The following EP400 variants were observed in gnomAD, a reference collection of about 807,000 sequenced individuals.
EP400 encodes E1A-binding protein p400.
A neutral mutation model predicts 354.1 loss-of-function variants in EP400; 105 were observed. The observed-to-expected ratio is 0.30, with a 90% CI of 0.25 to 0.35. EP400 has a LOEUF of 0.35. EP400 is among the 10% of genes least tolerant of loss of function. The pLI, the probability that EP400 is intolerant of heterozygous loss-of-function variation, is 1.00. For missense variants in EP400, 3,280 were observed against 4,121.0 expected, an observed-to-expected ratio of 0.80 and a Z score of 5.59; for synonymous variants, 1,646 against 1,716.9, an observed-to-expected ratio of 0.96 and a Z score of 1.02.
At position 132,053,401 on chromosome 12, in the gene EP400, A is replaced by G; in HGVS notation, c.7532A>G (p.Gln2511Arg). The G allele has an allele frequency of 2.0e-6, 1 of 504,404 alleles. No individual in the cohort carries two copies. The highest frequency in any genetic ancestry group is 2.6e-6 in the Non-Finnish European group (1 of 387,020). 31.2% of individuals were successfully genotyped at this position (504,404 alleles called of 1,614,324 possible). A position where few individuals can be genotyped will look rare whatever the true frequency, so the allele number is the denominator to read the frequency against. Reference protein sequence around the residue: ...QPAVAQPPPPQPQPPPPPQQP... With the variant: ...QPAVAQPPPPRPQPPPPPQQP... ...GCCGTGGCCCAGCCACCCCCGCCCC[A>G]GCCGCAGCCCCCACCACCCCCGCAG... The change falls in exon 43 of 53, where the codon CAG becomes CGG. Residue 2511 changes from glutamine (Q) to arginine (R), a missense_variant. Gln to Arg is a conservative substitution (Grantham distance 43). Transcript: ENST00000389561.
chr12:131,989,940 A>T, intron 7 of EP400, 24 bp from the exon 8 acceptor site: 1 of 1,612,280 alleles, frequency 6.2e-7, no homozygotes, highest in South Asian at 1.1e-5. Flanking sequence ...TACAACATAC[A>T]ATTCTTGCAC....
chr12:132,007,447 A>T (rs1167935983), intron 15 of EP400, among the ~76,000 whole-genome samples: 1 of 151,360 alleles, frequency 6.6e-6, no homozygotes, highest in African/African-American at 2.5e-5. Flanking sequence ...CCCTCCTGAC[A>T]CTTCTAGCTG....
intron 15 of EP400, among the ~76,000 whole-genome samples, chr12:132,008,929 T>C (rs1893673956): frequency 7.2e-6 from 1 of 138,438 alleles, no homozygotes; most frequent in African/African-American, 2.7e-5. Context: ...CTTTTTTTTT[T>C]TTTTTTTTTT....
Position 132,025,685 on chromosome 12 carries a change from A to G in EP400, c.4895A>G (p.Tyr1632Cys), listed in dbSNP as rs1040868378. 4.3e-6 allele frequency: 7 copies of G among 1,612,434 alleles called. No individual in the cohort carries two copies. The highest frequency in any genetic ancestry group is 1.3e-5 in the African/African-American group (1 of 74,842). Residue 1632 changes from tyrosine (Y) to cysteine (C), a missense_variant, in exon 25 of 53, where the codon TAC (tyrosine) becomes TGC (cysteine). Around this residue, in one of 20 missense-constraint regions of EP400, gnomAD observed 459 missense variants for 496.9 expected, o/e 0.92. Transcript: ENST00000389561. This position sits in a 1 kb window ranked among gnomAD's most constrained non-coding sequence, Gnocchi z 4.1. ...ATCGTGTCCGCCCCCGGGCAGCCCT[A>G]CCTTCGAGCCCCTGGCCCTGTGGTG... ...LQIVSAPGQP[Y>C]LRAPGPVVMQ...
At position 132,027,924 on chromosome 12, in the gene EP400, G is replaced by A; in HGVS notation, c.5110-93G>A. 1.5e-6 allele frequency: 2 copies of A among 1,373,362 alleles called. No homozygotes were observed. The highest frequency in any genetic ancestry group is 2.0e-4 in the Middle Eastern group (1 of 5,026). 85.1% of individuals were successfully genotyped at this position (1,373,362 alleles called of 1,614,324 possible). ...GGGGATATTGAAGTGGATCTCATATGTGGGAAATCACGGGCTGGGTGGGGG... is the reference window on the plus strand; with the variant it reads ...GGGGATATTGAAGTGGATCTCATATATGGGAAATCACGGGCTGGGTGGGGG... On this transcript the variant is annotated intron_variant, in intron 26 of 52. Coordinates refer to ENST00000389561, the MANE Select transcript of EP400 (RefSeq NM_015409.5). This position sits in a 1 kb window ranked among gnomAD's most constrained non-coding sequence, Gnocchi z 4.9.
chr12:131,950,798 G>A (rs1315442281), intron 1 of EP400, among the ~76,000 whole-genome samples: 2 of 152,258 alleles, frequency 1.3e-5, no homozygotes, highest in Non-Finnish European at 2.9e-5. Context: ...CTGTTGCCCA[G>A]GTTGGCGTGC....
Position 132,028,680 on chromosome 12 carries a change from G to A in EP400, c.5381+392G>A, listed in dbSNP as rs903008712. Among the ~76,000 whole-genome samples, 16 of 152,356 alleles carry A rather than the reference G, an allele frequency of 1.1e-4. No individual in the cohort carries two copies. The South Asian group carries it at 2.3e-3, about 22-fold the overall frequency. On this transcript the variant is annotated intron_variant, in intron 27 of 52. Coordinates refer to ENST00000389561, the MANE Select transcript of EP400 (RefSeq NM_015409.5). ...CAAATGTGGGCAGGAGTTGATCTCAGAACGTGCTTTAATGGAGAGCAAATC... is the reference window on the plus strand; with the variant it reads ...CAAATGTGGGCAGGAGTTGATCTCAAAACGTGCTTTAATGGAGAGCAAATC...
chr12:131,972,152 CTTTTTCT>C (rs141857468), intron 2 of EP400, among the ~76,000 whole-genome samples: 17,970 of 148,842 alleles, frequency 0.12, 1,441 homozygotes, highest in African/African-American at 0.23. Flanking sequence ...TTTTCTTTTT[CTTTTTCT>C]TTTTTTTTTT....
chr12:132,021,690 C>T (rs540282437), intron 23 of EP400, among the ~76,000 whole-genome samples: 2 of 152,336 alleles, frequency 1.3e-5, no homozygotes, highest in South Asian at 2.1e-4. Flanking sequence ...AGAGTGACAG[C>T]GACTGCATTT....
chr12:131,971,531 A>G (rs1453520238), intron 2 of EP400, among the ~76,000 whole-genome samples: 1 of 152,058 alleles, frequency 6.6e-6, no homozygotes, highest in Non-Finnish European at 1.5e-5. Flanking sequence ...TGTTCATTCT[A>G]TTTTTAATTT....
In EP400 at chr12:131,954,316, G is replaced by T. The variant is rs1051423310; in HGVS notation, c.-36+4280G>T. Among the ~76,000 whole-genome samples, 3 of 152,128 alleles carry T rather than the reference G, an allele frequency of 2.0e-5. No homozygotes were observed. In the East Asian group the frequency reaches 5.8e-4, roughly 29 times the overall value. Reference sequence around the variant, plus strand: ...AAAATTAGGGGCCAGGCCAGGTGTGGTGGCTCATGCCTGTAATCCCAGCAC... The same window carrying T: ...AAAATTAGGGGCCAGGCCAGGTGTGTTGGCTCATGCCTGTAATCCCAGCAC... On this transcript the variant is annotated intron_variant, in intron 1 of 52. Transcript: ENST00000389561.
Position 132,076,611 on chromosome 12 carries a change from A to T in EP400, c.9099+18A>T. ...CCCAGCAGGTAGGACGCATAGACAA[A>T]GTGGAAACCTCACATTTCCCAGGTC... On this transcript the variant is annotated intron_variant, in intron 52 of 52. Transcript: ENST00000389561. 1 of 1,594,072 alleles carries T rather than the reference A, an allele frequency of 6.3e-7. No homozygotes were observed. The highest frequency in any genetic ancestry group is 1.3e-5 in the African/African-American group (1 of 74,228).
intron 25 of EP400, among the ~76,000 whole-genome samples, chr12:132,026,087 C>A (rs1216257186): frequency 2.6e-5 from 4 of 152,174 alleles, no homozygotes; most frequent in Admixed American, 6.5e-5. Context: ...AGAAATCTTG[C>A]TTGTTTGTAT....
chr12:132,032,480 G>C (rs926837524), intron 30 of EP400, among the ~76,000 whole-genome samples: 1 of 152,130 alleles, frequency 6.6e-6, no homozygotes. Flanking sequence ...TTTTACGTGT[G>C]GTACCTCTTG....
rs533327122 is a variant in EP400 at position 132,025,353 on chromosome 12, A to G, written c.4856-293A>G. Among the ~76,000 whole-genome samples the G allele has an allele frequency of 2.6e-5, 4 of 152,220 alleles. No individual in the cohort carries two copies. The East Asian group carries it at 7.7e-4, about 29-fold the overall frequency. On this transcript the variant is annotated intron_variant, in intron 24 of 52. Coordinates refer to ENST00000389561, the MANE Select transcript of EP400 (RefSeq NM_015409.5). The surrounding 1 kb of genome is among the most constrained non-coding windows in gnomAD (Gnocchi z 4.1). ...TGGGGATGTCCGCCTCAGTACCTCG[A>G]ACAGCATGGCAGGTCCTCAGCAGCT...
Position 132,027,989 on chromosome 12 carries a change from A to G in EP400, c.5110-28A>G, listed in dbSNP as rs201053161. ...GAACTTGTCATTCTGTTTCTCAAGTAACTGTTTTTCATCACTTTTTGATAA... is the reference window on the plus strand; with the variant it reads ...GAACTTGTCATTCTGTTTCTCAAGTGACTGTTTTTCATCACTTTTTGATAA... On this transcript the variant is annotated intron_variant, in intron 26 of 52. Coordinates refer to ENST00000389561, the MANE Select transcript of EP400 (RefSeq NM_015409.5). This position sits in a 1 kb window ranked among gnomAD's most constrained non-coding sequence, Gnocchi z 4.9. 3.8e-5 allele frequency: 61 copies of G among 1,602,936 alleles called. No individual in the cohort carries two copies. Among genetic ancestry groups the G allele is most frequent in the Non-Finnish European group, 1.0e-5 (12 of 1,171,626 alleles).
chr12:131,996,093 G>A (rs1023178862), intron 12 of EP400, among the ~76,000 whole-genome samples: 23 of 152,168 alleles, frequency 1.5e-4, no homozygotes, highest in African/African-American at 5.5e-4. Flanking sequence ...CAGTGTCTTT[G>A]CCAGGCAGTA....
At chr12:132,031,528 TGAATG>T (rs1894496386) in intron 29 of EP400, among the ~76,000 whole-genome samples, 1 of 152,174 alleles carries the variant, frequency 6.6e-6, no homozygotes, top group African/African-American at 2.4e-5. Flanking sequence ...AGCCTCGTGT[TGAATG>T]GAATACAAAC....
chr12:132,030,154 G>C lies in EP400; in HGVS notation c.5750G>C (p.Arg1917Pro). The change falls in exon 29 of 53, where the codon CGG (arginine) becomes CCG (proline). Residue 1917 changes from arginine (R) to proline (P), a missense_variant. Physicochemically the swap from Arg to Pro is moderately radical, Grantham distance 103. This residue lies in a region of EP400 where 459 missense variants were observed against 496.9 expected (regional missense o/e 0.92). Transcript: ENST00000389561. The stretch of plus-strand genomic sequence containing the variant: ...GATGAAAATGCCAGCAGTGAGCAAC[G>C]GCAGGTGAGAAGCACATTGTTTACA... ...RIDENASSEQ[R>P]QELMRSFNRD... The C allele has an allele frequency of 6.2e-7, 1 of 1,614,140 alleles. No homozygotes were observed.
Sources: gnomAD v4.1 joint callset for allele counts (sites outside exome capture counted in the v4.1 genomes callset) on GRCh38, gnomAD v4.1.1 for gene constraint, gnomAD v4.1.1 regional missense constraint, Gnocchi (gnomAD v3.1) non-coding constraint, MANE v1.5 for transcripts, NCBI Gene and HGNC (gene_info 2026-07-23, HGNC 2026-07-21) for gene names.